LRFN2: variants seen among roughly 807,000 people sequenced by gnomAD.
LRFN2 encodes the protein leucine-rich repeat and fibronectin type-III domain-containing protein 2.
LRFN2 carries 18 observed loss-of-function variants against 37.3 expected under a neutral mutation model. The ratio of observed to expected loss-of-function variants is 0.48; its 90% CI spans 0.33 to 0.72. The LOEUF (loss-of-function observed/expected upper bound fraction) is 0.72, where lower values mean the gene tolerates loss of function less well. LRFN2 is among the 30% of genes least tolerant of loss of function. LRFN2 has a pLI of 0.02. For synonymous variants in LRFN2, 556 were observed against 466.6 expected (o/e 1.19, Z -2.47); for missense variants, 1,006 against 1,060.7 (o/e 0.95, Z 0.72).
chr6:40,444,284 G>T (rs1392794641), intron 1 of LRFN2, among the ~76,000 whole-genome samples: 1 of 152,158 alleles, frequency 6.6e-6, no homozygotes, highest in African/African-American at 2.4e-5. Context: ...GGGGGAAAAG[G>T]AGAAAGAAGA....
chr6:40,491,139 A>G (rs1257208227), intron 1 of LRFN2, among the ~76,000 whole-genome samples: 1 of 152,178 alleles, frequency 6.6e-6, no homozygotes, highest in Non-Finnish European at 1.5e-5. Context: ...CCTGGGAGCC[A>G]CTGCAGGATC....
chr6:40,546,568 A>G (rs1366704602), intron 1 of LRFN2, among the ~76,000 whole-genome samples: 1 of 152,206 alleles, frequency 6.6e-6, no homozygotes, highest in African/African-American at 2.4e-5. Flanking sequence ...CTCATGAATC[A>G]GATGAGATAA....
intron 1 of LRFN2, among the ~76,000 whole-genome samples, chr6:40,563,078 CT>C (rs1471953380): frequency 3.3e-5 from 5 of 152,098 alleles, no homozygotes; most frequent in Non-Finnish European, 7.4e-5. Flanking sequence ...GGTTTTCAGC[CT>C]TACCCATGTC....
At chr6:40,465,842 C>T (rs1484906490) in intron 1 of LRFN2, among the ~76,000 whole-genome samples, 1 of 152,136 alleles carries the variant, frequency 6.6e-6, no homozygotes, top group Non-Finnish European at 1.5e-5. Flanking sequence ...AGAAGAACAG[C>T]AGTGACCTCT....
chr6:40,549,710 T>C (rs1561903995), intron 1 of LRFN2, among the ~76,000 whole-genome samples: 1 of 152,248 alleles, frequency 6.6e-6, no homozygotes, highest in East Asian at 1.9e-4. Context: ...CACCAGGAAG[T>C]GTGAATCCCC....
At chr6:40,509,386 T>A (rs1765631768) in intron 1 of LRFN2, among the ~76,000 whole-genome samples, 1 of 152,262 alleles carries the variant, frequency 6.6e-6, no homozygotes, top group Non-Finnish European at 1.5e-5. Context: ...TTTCCCAGAA[T>A]GTGAGTCATA....
intron 1 of LRFN2, among the ~76,000 whole-genome samples, chr6:40,532,862 A>C (rs778530254): frequency 3.3e-5 from 5 of 152,226 alleles, no homozygotes; most frequent in African/African-American, 1.2e-4. Context: ...TGAACACAAT[A>C]CAATGATAAT....
chr6:40,499,725 C>G (rs1252069008), intron 1 of LRFN2, among the ~76,000 whole-genome samples: 2 of 152,106 alleles, frequency 1.3e-5, no homozygotes, highest in Non-Finnish European at 1.5e-5. Flanking sequence ...CCCACTCCCC[C>G]TTAGAGTGTG....
chr6:40,520,253 A>G (rs1317093405), intron 1 of LRFN2, among the ~76,000 whole-genome samples: 2 of 152,116 alleles, frequency 1.3e-5, no homozygotes, highest in Non-Finnish European at 2.9e-5. Context: ...GTTCTGGCGT[A>G]CGGCAGTGAT....
intron 1 of LRFN2, among the ~76,000 whole-genome samples, chr6:40,559,735 C>T (rs1766959050): frequency 6.6e-6 from 1 of 152,170 alleles, no homozygotes; most frequent in Non-Finnish European, 1.5e-5. Flanking sequence ...CCCTAGCTGC[C>T]TACTCCACCC....
intron 1 of LRFN2, among the ~76,000 whole-genome samples, chr6:40,530,764 G>C (rs1484542473): frequency 6.6e-6 from 1 of 152,042 alleles, no homozygotes; most frequent in Non-Finnish European, 1.5e-5. Flanking sequence ...CCTGGTCCAA[G>C]CTCCTCACAC....
chr6:40,448,441 C>A (rs1764025436), intron 1 of LRFN2, among the ~76,000 whole-genome samples: 1 of 151,972 alleles, frequency 6.6e-6, no homozygotes, highest in Non-Finnish European at 1.5e-5. Context: ...AATAATGATA[C>A]CCCATGAATA....
chr6:40,482,140 A>T (rs904949283), intron 1 of LRFN2, among the ~76,000 whole-genome samples: 9 of 152,176 alleles, frequency 5.9e-5, no homozygotes, highest in Admixed American at 1.3e-4. Flanking sequence ...GTCAGTTGCC[A>T]TGTAGAAAAG....
At chr6:40,569,877 C>G (rs960202034) in intron 1 of LRFN2, among the ~76,000 whole-genome samples, 7 of 152,070 alleles carry the variant, frequency 4.6e-5, no homozygotes, top group African/African-American at 1.7e-4. Flanking sequence ...CATGCAGGGC[C>G]GTCTCAGGTC....
chr6:40,409,625 A>G (rs1453712358), intron 2 of LRFN2, among the ~76,000 whole-genome samples: 1 of 152,198 alleles, frequency 6.6e-6, no homozygotes, highest in Non-Finnish European at 1.5e-5. Context: ...TCAAACGGGA[A>G]TGAGAACACT....
intron 1 of LRFN2, among the ~76,000 whole-genome samples, chr6:40,497,661 G>C (rs935301686): frequency 1.3e-5 from 2 of 152,166 alleles, no homozygotes; most frequent in African/African-American, 2.4e-5. Context: ...GTGCCTGACA[G>C]TGCCTCAGTT....
At position 40,460,314 on chromosome 6, in the gene LRFN2, CT is replaced by C. The variant is rs527450962; in HGVS notation, c.-18-27184del. Among the ~76,000 whole-genome samples the C allele has an allele frequency of 9.8e-5, 15 of 152,328 alleles. No individual in the cohort carries two copies. In the East Asian group the frequency reaches 2.9e-3, roughly 29 times the overall value. ...CAGGACTTCTTCCAGGCTGTAGACT[CT>C]TCCCCAGTCCCCTGCAGATGGAAGA... On this transcript the variant is annotated intron_variant, in intron 1 of 2. Transcript: ENST00000338305.
At chr6:40,560,203 G>A (rs767952365) in intron 1 of LRFN2, among the ~76,000 whole-genome samples, 69 of 152,148 alleles carry the variant, frequency 4.5e-4, no homozygotes, top group African/African-American at 1.4e-3. Context: ...TCCAGGAGGC[G>A]CTCTGACTGA....
chr6:40,431,952 G>C lies in LRFN2; in HGVS notation c.1162C>G (p.Arg388Gly). 1 of 1,613,590 alleles carries C rather than the reference G, an allele frequency of 6.2e-7. No homozygotes were observed. Among genetic ancestry groups the C allele is most frequent in the Non-Finnish European group, 8.5e-7 (1 of 1,179,998 alleles). The change falls in exon 2 of 3, where the codon CGC becomes GGC. Residue 388 changes from arginine to glycine, a missense_variant. Arg to Gly is a moderately radical substitution (Grantham distance 125, BLOSUM62 -2). Coordinates refer to ENST00000338305, the MANE Select transcript of LRFN2 (RefSeq NM_020737.3). ...AGGCGGGACTTGGGGGGTGCAGTGC[G>C]GCTGGTGCTGTTGCTGAGGTGTGGC... ...QLPHLSNSTS[R>G]TAPPKSRLSD... is the part of the protein sequence containing the mutation.
Sources: allele counts gnomAD v4.1 joint callset (sites outside exome capture counted in the v4.1 genomes callset), GRCh38; gene constraint gnomAD v4.1.1; transcripts MANE v1.5; gene names NCBI Gene and HGNC (gene_info 2026-07-23, HGNC 2026-07-21).